Variants in CNTN4 observed in about 807,000 individuals in gnomAD.
CNTN4 encodes contactin-4.
In CNTN4, 77 loss-of-function variants were observed where a neutral mutation model predicts 122.5. The ratio of observed to expected loss-of-function variants is 0.63; its 90% CI spans 0.52 to 0.76. The LOEUF (loss-of-function observed/expected upper bound fraction) is 0.76, where lower values mean the gene tolerates loss of function less well. Ranked by LOEUF, CNTN4 falls within the 30% of genes least tolerant of loss-of-function variation. CNTN4 has a pLI of 0.00. For missense variants in CNTN4, 1,256 were observed against 1,259.1 expected, an observed-to-expected ratio of 1.00 and a Z score of 0.04; for synonymous variants, 512 against 447.0, an observed-to-expected ratio of 1.15 and a Z score of -1.83.
intron 2 of CNTN4, among the ~76,000 whole-genome samples, chr3:2,131,145 A>G (rs138948526): frequency 2.0e-5 from 3 of 152,298 alleles, no homozygotes; most frequent in African/African-American, 4.8e-5. Context: ...AGGTGATAGT[A>G]TTAATTTTGT....
intron 2 of CNTN4, among the ~76,000 whole-genome samples, chr3:2,115,252 G>A (rs1485346916): frequency 3.9e-5 from 6 of 152,180 alleles, no homozygotes; most frequent in Non-Finnish European, 4.4e-5. Context: ...TTTTTACTGT[G>A]TCAGTGTCCT....
intron 4 of CNTN4, among the ~76,000 whole-genome samples, chr3:2,696,434 A>G (rs554034706): frequency 9.8e-5 from 15 of 152,320 alleles, no homozygotes; most frequent in African/African-American, 3.4e-4. Flanking sequence ...GGCTTCAAAG[A>G]AAGTTTGCTG....
chr3:2,923,618 G>A (rs1330165335), intron 12 of CNTN4, among the ~76,000 whole-genome samples: 2 of 152,138 alleles, frequency 1.3e-5, no homozygotes, highest in East Asian at 3.9e-4. Flanking sequence ...TGCTTATTGC[G>A]TAATTCTCAA....
intron 3 of CNTN4, among the ~76,000 whole-genome samples, chr3:2,350,740 A>C (rs1268214130): frequency 6.6e-6 from 1 of 152,202 alleles, no homozygotes; most frequent in Non-Finnish European, 1.5e-5. Context: ...TTATACATTG[A>C]ATTTAATCAG....
intron 8 of CNTN4, among the ~76,000 whole-genome samples, chr3:2,878,864 A>C (rs557375278): frequency 6.6e-6 from 1 of 152,298 alleles, no homozygotes; most frequent in East Asian, 1.9e-4. Context: ...AAGTAACATG[A>C]AGCAAGCAAG....
intron 2 of CNTN4, among the ~76,000 whole-genome samples, chr3:2,194,824 C>T (rs1021803551): frequency 5.3e-5 from 8 of 152,098 alleles, no homozygotes; most frequent in South Asian, 2.1e-4. Context: ...AAGAAGTTTT[C>T]GTGACAAATT....
intron 2 of CNTN4, among the ~76,000 whole-genome samples, chr3:2,338,571 A>G (rs948447287): frequency 2.2e-4 from 34 of 152,116 alleles, no homozygotes; most frequent in African/African-American, 7.9e-4. Context: ...ATAAATATAT[A>G]CCTTTATTCT....
intron 3 of CNTN4, among the ~76,000 whole-genome samples, chr3:2,502,943 G>A (rs1415146676): frequency 6.6e-6 from 1 of 152,070 alleles, no homozygotes; most frequent in Admixed American, 6.6e-5. Flanking sequence ...CTATACTGTT[G>A]TATGTCCTTG....
Position 2,755,739 on chromosome 3 carries a change from T to A in CNTN4, c.358+10042T>A, listed in dbSNP as rs183276136. On this transcript the variant is annotated intron_variant, in intron 6 of 24. Transcript: ENST00000418658. ...AAGACAATCAATGAAGTATAGAGAT[T>A]GCTTTAAATTCAAGAAGGTTCTGAG... is the stretch of plus-strand genomic sequence containing the variant. Among the ~76,000 whole-genome samples the A allele has an allele frequency of 4.4e-3, 673 of 152,258 alleles. 16 individuals are homozygous for A. Among genetic ancestry groups the A allele is most frequent in the Middle Eastern group, 6.8e-3 (2 of 292 alleles).
At chr3:2,176,465 A>T (rs189362508) in intron 2 of CNTN4, among the ~76,000 whole-genome samples, 1 of 152,164 alleles carries the variant, frequency 6.6e-6, no homozygotes, top group Non-Finnish European at 1.5e-5. Flanking sequence ...TATAACCAGC[A>T]TGGAAAACCC....
At chr3:2,359,430 A>G (rs960203718) in intron 3 of CNTN4, among the ~76,000 whole-genome samples, 3 of 152,224 alleles carry the variant, frequency 2.0e-5, no homozygotes, top group African/African-American at 7.2e-5. Context: ...GAAGTTACAT[A>G]AACATGGAGG....
chr3:2,655,706 G>A (rs2083559421), intron 4 of CNTN4, among the ~76,000 whole-genome samples: 1 of 152,104 alleles, frequency 6.6e-6, no homozygotes, highest in Non-Finnish European at 1.5e-5. Flanking sequence ...TTAAAGCATT[G>A]CACATTGCCA....
intron 13 of CNTN4, among the ~76,000 whole-genome samples, chr3:2,974,572 A>C (rs1173931388): frequency 1.3e-5 from 2 of 152,244 alleles, no homozygotes; most frequent in African/African-American, 4.8e-5. Context: ...ATAAAGAGGC[A>C]AAGATTTAGG....
chr3:2,598,391 A>C (rs1046226577), intron 4 of CNTN4, among the ~76,000 whole-genome samples: 12 of 152,042 alleles, frequency 7.9e-5, no homozygotes, highest in Non-Finnish European at 1.6e-4. Context: ...AATGCTTTAG[A>C]GAGTAAAGAG....
rs2090344622 is a variant in CNTN4, at chr3:2,756,484, AT to A, written c.358+10788del. 3.3e-5 allele frequency among the ~76,000 whole-genome samples: 5 copies of A among 152,330 alleles called. No individual in the cohort carries two copies. The East Asian group carries it at 9.7e-4, about 29-fold the overall frequency. Reference sequence around the variant, plus strand: ...TTCCCAGCCTCCAGAACTGTGAGAAATACATTTCTGTTAAGTTTCCCAGTCT... The same window carrying A: ...TTCCCAGCCTCCAGAACTGTGAGAAAACATTTCTGTTAAGTTTCCCAGTCT... On this transcript the variant is annotated intron_variant, in intron 6 of 24. Transcript: ENST00000418658.
At chr3:2,207,125 T>C (rs2038393741) in intron 2 of CNTN4, among the ~76,000 whole-genome samples, 1 of 152,066 alleles carries the variant, frequency 6.6e-6, no homozygotes, top group African/African-American at 2.4e-5. Flanking sequence ...GATGGTGAAC[T>C]TAATTGATAA....
At position 2,690,760 on chromosome 3, in the gene CNTN4, T is replaced by C. The variant is rs537493848; in HGVS notation, c.56-45455T>C. 3.3e-5 allele frequency among the ~76,000 whole-genome samples: 5 copies of C among 152,280 alleles called. No individual in the cohort carries two copies. The South Asian group carries it at 1.0e-3, about 32-fold the overall frequency. ...AAAAATCAAAAGGAGAATATTAACA[T>C]TTCATAACACATGAAAATTCTATGA... On this transcript the variant is annotated intron_variant, in intron 4 of 24. Transcript: ENST00000418658.
chr3:2,734,861 T>C (rs2088966012), intron 4 of CNTN4, among the ~76,000 whole-genome samples: 1 of 152,140 alleles, frequency 6.6e-6, no homozygotes, highest in East Asian at 1.9e-4. Context: ...AATAATCACA[T>C]ATAAGGGGAC....
intron 4 of CNTN4, among the ~76,000 whole-genome samples, chr3:2,693,479 C>T (rs934307549): frequency 6.6e-6 from 1 of 151,996 alleles, no homozygotes; most frequent in African/African-American, 2.4e-5. Flanking sequence ...TAGATGGTGA[C>T]AAAAACCACC....
Sources: gnomAD v4.1 joint callset for allele counts (sites outside exome capture counted in the v4.1 genomes callset) on GRCh38, gnomAD v4.1.1 for gene constraint, MANE v1.5 for transcripts, NCBI Gene and HGNC (gene_info 2026-07-23, HGNC 2026-07-21) for gene names.